Variants in AK1 observed in about 807,000 individuals in gnomAD.
AK1 encodes the protein adenylate kinase isoenzyme 1.
A neutral mutation model predicts 23.9 loss-of-function variants in AK1; 13 were observed. The observed-to-expected ratio is 0.54, with a 90% CI of 0.35 to 0.86. The LOEUF is 0.86. Ranked by LOEUF, AK1 falls within the 40% of genes least tolerant of loss-of-function variation. The pLI, the probability that AK1 is intolerant of heterozygous loss-of-function variation, is 0.01. For synonymous variants in AK1, 97 were observed against 102.8 expected, an observed-to-expected ratio of 0.94 and a Z score of 0.34; for missense variants, 214 against 255.1, an observed-to-expected ratio of 0.84 and a Z score of 1.10.
chr9:127,868,547 C>T lies in AK1; in HGVS notation c.325-35G>A. 2 of 1,554,192 alleles carry T rather than the reference C, an allele frequency of 1.3e-6. No individual in the cohort carries two copies. The highest frequency in any genetic ancestry group is 8.7e-7 in the Non-Finnish European group (1 of 1,149,550). The stretch of plus-strand genomic sequence containing the variant: ...GGCACCATGTCACAGGGACCCCATT[C>T]CTGCCCCCTAGGGCCATCTCCTCCC... On this transcript the variant is annotated intron_variant, in intron 5 of 6. Coordinates refer to ENST00000644144, the MANE Select transcript of AK1 (RefSeq NM_000476.3). The surrounding 1 kb of genome is among the most constrained non-coding windows in gnomAD (Gnocchi z 4.1).
At chr9:127,873,716 C>A in intron 2 of AK1, 1 of 985,402 alleles carries the variant, frequency 1.0e-6, no homozygotes, top group Non-Finnish European at 1.2e-6. Flanking sequence ...AAACTGAGCT[C>A]GAGAGAGGGA....
At chr9:127,878,008 G>T (rs1288273315), upstream of AK1, among the ~76,000 whole-genome samples, 1 of 152,280 alleles carries the variant, frequency 6.6e-6, no homozygotes, top group Non-Finnish European at 1.5e-5. Flanking sequence ...GAGAAACTGA[G>T]GCTCAGAGAA....
rs780427267 is a variant in AK1, at chr9:127,871,852, C to T, written c.295G>A (p.Val99Met). Residue 99 changes from valine (V) to methionine (M), a missense_variant, in exon 5 of 7, where the codon GTG becomes ATG. Coordinates refer to ENST00000644144, the MANE Select transcript of AK1 (RefSeq NM_000476.3). This position sits in a 1 kb window ranked among gnomAD's most constrained non-coding sequence, Gnocchi z 4.4. ...CGCTCAAACTCTTCTCCTTGCTGCACCTCCCGCGGGTAGCCATCAATCAGG... is the reference window on the plus strand; with the variant it reads ...CGCTCAAACTCTTCTCCTTGCTGCATCTCCCGCGGGTAGCCATCAATCAGG... ...GFLIDGYPRE[V>M]QQGEEFERRI... 11 of 1,614,156 alleles carry T rather than the reference C, an allele frequency of 6.8e-6. No homozygotes were observed. The South Asian group carries it at 9.9e-5, about 14-fold the overall frequency.
intron 5 of AK1, among the ~76,000 whole-genome samples, chr9:127,870,027 G>A (rs767728341): frequency 4.6e-5 from 7 of 152,136 alleles, no homozygotes; most frequent in Admixed American, 2.6e-4. Context: ...TTGGGTGTGA[G>A]CCGGCCACAC....
Position 127,868,089 on chromosome 9 carries a change from G to A in AK1, c.517-13C>T. On this transcript the variant is annotated splice_polypyrimidine_tract_variant and intron_variant, in intron 6 of 6. Transcript: ENST00000644144. The surrounding 1 kb of genome is among the most constrained non-coding windows in gnomAD (Gnocchi z 4.1). Reference sequence around the variant, plus strand: ...CCTCAGCGTTGACCTGTGGGGAGATGGGCCGTGAGGGCTGAGTCACCAGGT... The same window carrying A: ...CCTCAGCGTTGACCTGTGGGGAGATAGGCCGTGAGGGCTGAGTCACCAGGT... 6.2e-7 allele frequency: 1 copy of A among 1,613,810 alleles called. No individual in the cohort carries two copies. Among genetic ancestry groups the A allele is most frequent in the South Asian group, 1.1e-5 (1 of 91,060 alleles).
chr9:127,871,675 T>C lies in AK1; in HGVS notation c.324+148A>G. The C allele has an allele frequency of 1.4e-6, 1 of 735,258 alleles. No individual in the cohort carries two copies. The highest frequency in any genetic ancestry group is 2.4e-6 in the Non-Finnish European group (1 of 410,014). 45.5% of individuals were successfully genotyped at this position (735,258 alleles called of 1,614,324 possible). ...TTTCTTCTACACTTCCAGAAAGTCT[T>C]CCTGGTTTTCCTCCTCACCCACACT... On this transcript the variant is annotated intron_variant, in intron 5 of 6. Transcript: ENST00000644144. The surrounding 1 kb of genome is among the most constrained non-coding windows in gnomAD (Gnocchi z 4.4).
intron 2 of AK1, chr9:127,873,752 C>A (rs1383498933): frequency 1.0e-6 from 1 of 985,320 alleles, no homozygotes; most frequent in Non-Finnish European, 1.2e-6. Flanking sequence ...ATGTCAGAAC[C>A]AAAACCAGAA....
intron 2 of AK1, 82 bp from the exon 3 acceptor site, chr9:127,873,143 C>T: frequency 6.4e-7 from 1 of 1,571,708 alleles, no homozygotes; most frequent in African/African-American, 1.4e-5. Flanking sequence ...CAGGCCTGTG[C>T]TGGGCCCCAG....
chr9:127,874,701 C>A (rs916627449), intron 1 of AK1, 52 bp from the exon 2 acceptor site: 8 of 1,570,200 alleles, frequency 5.1e-6, no homozygotes, highest in Non-Finnish European at 7.0e-6. Flanking sequence ...CACCCTGACT[C>A]ACCTTCCACT....
Position 127,872,330 on chromosome 9 carries a change from G to A in AK1, c.207+360C>T, listed in dbSNP as rs189408572. On this transcript the variant is annotated intron_variant, in intron 4 of 6. Coordinates refer to ENST00000644144, the MANE Select transcript of AK1 (RefSeq NM_000476.3). The stretch of plus-strand genomic sequence containing the variant: ...GTACGGGCAGAGAAGTGGGGCTTCT[G>A]GAGTAGAAAATTGGGGGGGGAGGTC... 2.0e-4 allele frequency among the ~76,000 whole-genome samples: 30 copies of A among 152,078 alleles called. 1 individual carries two copies. In the East Asian group the frequency reaches 4.1e-3, roughly 21 times the overall value.
intron 2 of AK1, chr9:127,874,217 C>T (rs1829486532): frequency 2.0e-6 from 2 of 985,282 alleles, no homozygotes; most frequent in Non-Finnish European, 2.4e-6. Flanking sequence ...CTAGGAGGGT[C>T]CAAGACTTCC....
intron 2 of AK1, 31 bp downstream of exon 2, chr9:127,874,580 G>A (rs1829494648): frequency 6.2e-7 from 1 of 1,613,040 alleles, no homozygotes; most frequent in Non-Finnish European, 8.5e-7. Flanking sequence ...CTGAGGCCCA[G>A]GCAATGGGCA....
chr9:127,876,652 ACCCCGCCCTG>A (rs1453288657), intron 1 of AK1, among the ~76,000 whole-genome samples: 7 of 149,432 alleles, frequency 4.7e-5, no homozygotes, highest in Non-Finnish European at 8.9e-5. Flanking sequence ...AGTGGCCTCG[ACCCCGCCCTG>A]CCCCGCCCCC....
intron 2 of AK1, chr9:127,873,724 G>A (rs973288399): frequency 3.0e-6 from 3 of 985,432 alleles, no homozygotes; most frequent in Non-Finnish European, 3.6e-6. Flanking sequence ...CTCGAGAGAG[G>A]GAAGGCCTGC....
At chr9:127,873,986 T>TC in intron 2 of AK1, 1 of 985,370 alleles carries the variant, frequency 1.0e-6, no homozygotes, top group Non-Finnish European at 1.2e-6. Context: ...TGGGCCCCTA[T>TC]CCCGGGGGTG....
Position 127,866,997 on chromosome 9 carries a change from A to G in AK1, c.*1011T>C. ...TCTCACCCCTGACCATGACTCCCCCAATTCAATTTCTTTTTTTTTTTTTTT... is the reference window on the plus strand; with the variant it reads ...TCTCACCCCTGACCATGACTCCCCCGATTCAATTTCTTTTTTTTTTTTTTT... On this transcript the variant is annotated 3_prime_UTR_variant, in exon 7 of 7. Transcript: ENST00000644144. 1 of 147,640 alleles carries G rather than the reference A, an allele frequency of 6.8e-6. No homozygotes were observed. The allele number at this position is 147,640 out of a possible 1,614,324, so 9.1% of individuals were successfully genotyped here.
intron 3 of AK1, 28 bp from the exon 4 acceptor site, chr9:127,872,881 C>A: frequency 6.2e-7 from 1 of 1,613,896 alleles, no homozygotes; most frequent in South Asian, 1.1e-5. Flanking sequence ...TTCATAAACC[C>A]CGAGACACAG....
At position 127,868,641 on chromosome 9, in the gene AK1, G is replaced by T; in HGVS notation, c.325-129C>A. 9.1e-7 allele frequency: 1 copy of T among 1,094,564 alleles called. No homozygotes were observed. Among genetic ancestry groups the T allele is most frequent in the South Asian group, 1.4e-5 (1 of 72,358 alleles). The allele number at this position is 1,094,564 out of a possible 1,614,324, so 67.8% of individuals were successfully genotyped here. On this transcript the variant is annotated intron_variant, in intron 5 of 6. Transcript: ENST00000644144. This position sits in a 1 kb window ranked among gnomAD's most constrained non-coding sequence, Gnocchi z 4.1. ...TTCAATCCCTTCCCCAAGGCAGCCT[G>T]AAAGACCTTCCTAAAACCAATCTTT...
At chr9:127,873,525 C>A (rs1264809731) in intron 2 of AK1, 1 of 1,442,842 alleles carries the variant, frequency 6.9e-7, no homozygotes, top group Admixed American at 2.9e-5. Flanking sequence ...ACCCGCCTCC[C>A]CCGGCAGTGG....
Sources: gnomAD v4.1 joint callset for allele counts (sites outside exome capture counted in the v4.1 genomes callset) on GRCh38, gnomAD v4.1.1 for gene constraint, Gnocchi (gnomAD v3.1) non-coding constraint, MANE v1.5 for transcripts, NCBI Gene and HGNC (gene_info 2026-07-23, HGNC 2026-07-21) for gene names.